Variants in HYCC2 observed in about 807,000 individuals in gnomAD.
HYCC2 encodes the protein hyccin 2.
At chr2:201,004,330 G>A in the HYCC2 span, among the ~76,000 whole-genome samples, 1 of 152,196 alleles carries the variant, frequency 6.6e-6, no homozygotes, top group Non-Finnish European at 1.5e-5. Flanking sequence ...GGCACCTATG[G>A]GCAAATATCC....
At chr2:201,030,351 CATAA>C in the HYCC2 span, among the ~76,000 whole-genome samples, 1 of 151,690 alleles carries the variant, frequency 6.6e-6, no homozygotes, top group Non-Finnish European at 1.5e-5. Context: ...TTTAAAATAT[CATAA>C]ATAGATGCCC....
At chr2:201,055,919 T>C in the HYCC2 span, among the ~76,000 whole-genome samples, 1 of 151,024 alleles carries the variant, frequency 6.6e-6, no homozygotes, top group African/African-American at 2.4e-5. Context: ...CTGGGCACGG[T>C]GGCTCACACC....
the HYCC2 span, among the ~76,000 whole-genome samples, chr2:201,004,482 T>A: frequency 6.6e-6 from 1 of 152,208 alleles, no homozygotes; most frequent in South Asian, 2.1e-4. Flanking sequence ...AGACAAAGAC[T>A]GCAGATGGCT....
the HYCC2 span, chr2:201,064,076 A>G: frequency 1.3e-6 from 2 of 1,564,544 alleles, no homozygotes; most frequent in Admixed American, 3.3e-5. Flanking sequence ...TTAGCAGGAG[A>G]GGAGAGCCAG....
At chr2:200,993,926 C>T in the HYCC2 span, among the ~76,000 whole-genome samples, 7 of 151,780 alleles carry the variant, frequency 4.6e-5, no homozygotes, top group Non-Finnish European at 8.8e-5. Context: ...GCCGAGATCA[C>T]GCCACTTCAC....
chr2:201,049,780 T>A, the HYCC2 span, among the ~76,000 whole-genome samples: 1 of 151,916 alleles, frequency 6.6e-6, no homozygotes, highest in Non-Finnish European at 1.5e-5. Context: ...TACAAATCAT[T>A]AACAACAATA....
At chr2:201,005,311 T>C in the HYCC2 span, among the ~76,000 whole-genome samples, 51 of 152,070 alleles carry the variant, frequency 3.4e-4, no homozygotes, top group Non-Finnish European at 5.9e-4. Flanking sequence ...AGTGGAGAGA[T>C]GATGCTGGAA....
the HYCC2 span, among the ~76,000 whole-genome samples, chr2:200,998,642 T>C: frequency 6.6e-6 from 1 of 152,220 alleles, no homozygotes; most frequent in Non-Finnish European, 1.5e-5. Context: ...TTTCCTAACA[T>C]TTATAATGTC....
At chr2:201,067,200 C>T in the HYCC2 span, 13 of 218,590 alleles carry the variant, frequency 5.9e-5, no homozygotes, top group South Asian at 7.3e-4. Context: ...AAACTGAGTT[C>T]GGCTGGCTAA....
the HYCC2 span, among the ~76,000 whole-genome samples, chr2:201,020,075 C>T: frequency 2.0e-5 from 3 of 152,008 alleles, no homozygotes; most frequent in African/African-American, 7.2e-5. Context: ...GAGAGTGAGA[C>T]CCTGGCTCAG....
At chr2:201,016,892 C>A in the HYCC2 span, 1 of 1,237,324 alleles carries the variant, frequency 8.1e-7, no homozygotes, top group Non-Finnish European at 1.1e-6. Context: ...TGAGCCACTG[C>A]GCCTGGCCAA....
At chr2:200,997,772 T>C in the HYCC2 span, among the ~76,000 whole-genome samples, 1 of 152,204 alleles carries the variant, frequency 6.6e-6, no homozygotes, top group Non-Finnish European at 1.5e-5. Flanking sequence ...GTGCAGGGGC[T>C]CATGCCTGTA....
At chr2:200,995,355 C>T in the HYCC2 span, among the ~76,000 whole-genome samples, 1 of 152,170 alleles carries the variant, frequency 6.6e-6, no homozygotes, top group Admixed American at 6.5e-5. Context: ...TCTTGGAGAG[C>T]CATGATCCCT....
At chr2:201,068,793 C>T in the HYCC2 span, among the ~76,000 whole-genome samples, 1 of 152,172 alleles carries the variant, frequency 6.6e-6, no homozygotes, top group Non-Finnish European at 1.5e-5. Flanking sequence ...ACTTTCAGAG[C>T]TTTCTGTGCT....
At chr2:201,001,176 C>T in the HYCC2 span, among the ~76,000 whole-genome samples, 8 of 150,942 alleles carry the variant, frequency 5.3e-5, no homozygotes, top group South Asian at 6.3e-4. Flanking sequence ...CTTTGGGACA[C>T]GATTAGGTCA....
the HYCC2 span, among the ~76,000 whole-genome samples, chr2:201,000,767 G>A: frequency 2.0e-5 from 3 of 152,112 alleles, no homozygotes; most frequent in Non-Finnish European, 4.4e-5. Context: ...ATTTGTGAAT[G>A]CATGTTCAAA....
the HYCC2 span, chr2:201,016,984 A>T: frequency 6.2e-7 from 1 of 1,610,856 alleles, no homozygotes; most frequent in African/African-American, 1.3e-5. Flanking sequence ...TGTCATCTTC[A>T]ACTTACCAAA....
chr2:200,987,374 T>C, the HYCC2 span: 1 of 1,289,702 alleles, frequency 7.8e-7, no homozygotes, highest in Non-Finnish European at 1.0e-6. Flanking sequence ...CCCTCTGTTG[T>C]GGCTGTTGCT....
At chr2:201,063,943 C>T in the HYCC2 span, 7 of 1,597,262 alleles carry the variant, frequency 4.4e-6, no homozygotes, top group African/African-American at 4.0e-5. Context: ...GAGGCAGAAG[C>T]TCTGGCCCCT....
Sources: allele counts gnomAD v4.1 joint callset (sites outside exome capture counted in the v4.1 genomes callset), GRCh38; gene constraint gnomAD v4.1.1; transcripts MANE v1.5; gene names NCBI Gene and HGNC (gene_info 2026-07-23, HGNC 2026-07-21).